Variants in TASP1 observed in about 807,000 individuals in gnomAD.
TASP1 encodes the protein taspase 1.
A neutral mutation model predicts 56.6 loss-of-function variants in TASP1; 16 were observed. The observed-to-expected ratio is 0.28, with a 90% CI of 0.19 to 0.43. The LOEUF is 0.43. Among genes scored for constraint, TASP1 ranks in the 20% least tolerant of loss-of-function variants. The probability of loss-of-function intolerance (pLI) is 1.00; values close to 1 mark genes in which losing one functional copy is unlikely to be tolerated. For synonymous variants in TASP1, 179 were observed against 184.2 expected (o/e 0.97, Z 0.23); for missense variants, 393 against 511.6 (o/e 0.77, Z 2.24).
At chr20:13,107,657 T>C in the TASP1 span, among the ~76,000 whole-genome samples, 4 of 152,222 alleles carry the variant, frequency 2.6e-5, no homozygotes, top group Admixed American at 6.5e-5. Flanking sequence ...ATTCTTCCAA[T>C]TCTTCTTTCA....
At chr20:13,383,624 G>A in the TASP1 span, among the ~76,000 whole-genome samples, 10 of 152,272 alleles carry the variant, frequency 6.6e-5, no homozygotes, top group Non-Finnish European at 1.2e-4. Flanking sequence ...TTGACCTGCC[G>A]TGTCTTTTTG....
At chr20:13,524,286 G>A (rs578048747) in intron 10 of TASP1, among the ~76,000 whole-genome samples, 34 of 151,874 alleles carry the variant, frequency 2.2e-4, no homozygotes, top group African/African-American at 4.8e-4. Context: ...CAATCTGCTC[G>A]TCCTTTCCAT....
intron 9 of TASP1, among the ~76,000 whole-genome samples, chr20:13,529,705 C>T (rs561719700): frequency 6.6e-6 from 1 of 152,282 alleles, no homozygotes; most frequent in Admixed American, 6.5e-5. Context: ...AAAAGATACT[C>T]CCATAAAGCA....
chr20:13,105,283 A>G, the TASP1 span, among the ~76,000 whole-genome samples: 1 of 151,668 alleles, frequency 6.6e-6, no homozygotes, highest in African/African-American at 2.4e-5. Context: ...AAAAATGGCT[A>G]ATTGATTTTC....
At chr20:13,504,145 G>T (rs1314351750) in intron 10 of TASP1, among the ~76,000 whole-genome samples, 2 of 151,904 alleles carry the variant, frequency 1.3e-5, no homozygotes, top group Non-Finnish European at 2.9e-5. Flanking sequence ...ACTTCATCAA[G>T]ATACATTATT....
the TASP1 span, among the ~76,000 whole-genome samples, chr20:13,111,110 T>G: frequency 0.3 from 46,333 of 151,990 alleles, 7,207 homozygotes; most frequent in Middle Eastern, 0.43. Flanking sequence ...ATAATAATAA[T>G]AAGAAGCTTG....
chr20:13,178,892 T>C, the TASP1 span, among the ~76,000 whole-genome samples: 2 of 152,032 alleles, frequency 1.3e-5, no homozygotes, highest in African/African-American at 2.4e-5. Flanking sequence ...TTAATAATAA[T>C]ACATCATTTC....
intron 10 of TASP1, among the ~76,000 whole-genome samples, chr20:13,526,542 T>C (rs929154646): frequency 1.3e-5 from 2 of 152,190 alleles, no homozygotes; most frequent in Non-Finnish European, 2.9e-5. Context: ...TATTATTACA[T>C]TATGCTCATT....
the TASP1 span, among the ~76,000 whole-genome samples, chr20:13,224,577 C>T: frequency 6.6e-6 from 1 of 152,252 alleles, no homozygotes; most frequent in East Asian, 1.9e-4. Context: ...AATCCATATA[C>T]ATCATTTTTA....
chr20:13,106,735 T>A, the TASP1 span, among the ~76,000 whole-genome samples: 1 of 152,188 alleles, frequency 6.6e-6, no homozygotes, highest in African/African-American at 2.4e-5. Flanking sequence ...ATTAATCCTC[T>A]CCCAGGGCCA....
At chr20:13,585,276 T>C (rs1052246646) in intron 5 of TASP1, among the ~76,000 whole-genome samples, 2 of 152,200 alleles carry the variant, frequency 1.3e-5, no homozygotes, top group South Asian at 2.1e-4. Flanking sequence ...ATGAAGATTA[T>C]CTTCATAACT....
chr20:13,550,530 G>A (rs1379723896), intron 8 of TASP1, among the ~76,000 whole-genome samples: 2 of 151,552 alleles, frequency 1.3e-5, no homozygotes, highest in African/African-American at 4.8e-5. Context: ...ATGAGTTTTC[G>A]GTTTTATTTT....
At chr20:13,485,495 T>C (rs576980556) in intron 10 of TASP1, among the ~76,000 whole-genome samples, 1 of 152,190 alleles carries the variant, frequency 6.6e-6, no homozygotes, top group Non-Finnish European at 1.5e-5. Context: ...AATTGCCAGA[T>C]ATTTCCCAGA....
chr20:13,167,347 T>G, the TASP1 span: 1 of 145,772 alleles, frequency 6.9e-6, no homozygotes, highest in Non-Finnish European at 1.6e-5. Flanking sequence ...CGCCCCGACC[T>G]TAGCTCTAAT....
At chr20:13,134,378 T>C in the TASP1 span, among the ~76,000 whole-genome samples, 1 of 152,224 alleles carries the variant, frequency 6.6e-6, no homozygotes, top group Non-Finnish European at 1.5e-5. Flanking sequence ...TGTCTAATTT[T>C]ACTCATTATG....
chr20:13,230,744 TAGAAAAAAAA>T, the TASP1 span, among the ~76,000 whole-genome samples: 3 of 148,948 alleles, frequency 2.0e-5, no homozygotes, highest in African/African-American at 5.0e-5. Context: ...GAATGTGTTG[TAGAAAAAAAA>T]AGAAAAGAAA....
At chr20:13,430,697 G>A (rs112555819) in intron 12 of TASP1, among the ~76,000 whole-genome samples, 12 of 152,302 alleles carry the variant, frequency 7.9e-5, no homozygotes, top group African/African-American at 2.9e-4. Flanking sequence ...TCAAGGGCAG[G>A]GAAATTGAGT....
intron 11 of TASP1, among the ~76,000 whole-genome samples, chr20:13,447,768 A>G (rs1036947264): frequency 2.0e-5 from 3 of 152,156 alleles, no homozygotes; most frequent in African/African-American, 7.2e-5. Flanking sequence ...TGGATTTGTC[A>G]TATCAACATA....
chr20:13,230,164 C>G, the TASP1 span, among the ~76,000 whole-genome samples: 2 of 152,134 alleles, frequency 1.3e-5, no homozygotes, highest in South Asian at 4.1e-4. Flanking sequence ...GCCTCCAAAG[C>G]AAATAATCTC....
Sources: gnomAD v4.1 joint callset for allele counts (sites outside exome capture counted in the v4.1 genomes callset) on GRCh38, gnomAD v4.1.1 for gene constraint, MANE v1.5 for transcripts, NCBI Gene and HGNC (gene_info 2026-07-23, HGNC 2026-07-21) for gene names.